GALNTL6: variants seen among roughly 807,000 people sequenced by gnomAD.
GALNTL6 encodes polypeptide N-acetylgalactosaminyltransferase-like 6.
Under a neutral mutation model 73.7 loss-of-function variants are expected in GALNTL6, and 46 were observed. The ratio of observed to expected loss-of-function variants is 0.62; its 90% CI spans 0.49 to 0.80. The LOEUF is 0.80. Among genes scored for constraint, GALNTL6 ranks in the 30% least tolerant of loss-of-function variants. The pLI, the probability that GALNTL6 is intolerant of heterozygous loss-of-function variation, is 0.00. For synonymous variants in GALNTL6, 259 were observed against 263.7 expected (o/e 0.98, Z 0.17); for missense variants, 604 against 755.0 (o/e 0.80, Z 2.34).
chr4:172,206,775 GT>G (rs1214874685), intron 2 of GALNTL6, among the ~76,000 whole-genome samples: 15 of 79,784 alleles, frequency 1.9e-4, no homozygotes, highest in Non-Finnish European at 3.6e-4. Context: ...GATGAAACGT[GT>G]TTTTTGTTTT....
intron 10 of GALNTL6, among the ~76,000 whole-genome samples, chr4:173,006,004 T>A (rs984631844): frequency 6.6e-6 from 1 of 152,166 alleles, no homozygotes; most frequent in Non-Finnish European, 1.5e-5. Context: ...TCCAATAGGC[T>A]TTGGTGCATA....
chr4:172,874,224 C>T (rs1745079595), intron 7 of GALNTL6, among the ~76,000 whole-genome samples: 1 of 152,170 alleles, frequency 6.6e-6, no homozygotes, highest in Admixed American at 6.5e-5. Context: ...TTTCACATCA[C>T]ATTTTGATGT....
chr4:172,613,220 A>G (rs557168968), intron 5 of GALNTL6, among the ~76,000 whole-genome samples: 3 of 152,286 alleles, frequency 2.0e-5, no homozygotes, highest in Admixed American at 6.5e-5. Context: ...GAATTTTAAA[A>G]TGTCCAAGAC....
intron 5 of GALNTL6, among the ~76,000 whole-genome samples, chr4:172,441,826 C>T (rs71607883): frequency 0.01 from 1,536 of 152,100 alleles, 9 homozygotes; most frequent in Non-Finnish European, 0.018. Flanking sequence ...GCTACAGTAA[C>T]GTGTATGGTG....
chr4:172,108,102 G>T (rs974049452), intron 2 of GALNTL6, among the ~76,000 whole-genome samples: 4 of 152,068 alleles, frequency 2.6e-5, no homozygotes, highest in Admixed American at 6.6e-5. Context: ...AACTGTCAGG[G>T]TATGTGTTTG....
chr4:172,255,859 G>A (rs2111025120), intron 3 of GALNTL6, among the ~76,000 whole-genome samples: 1 of 151,392 alleles, frequency 6.6e-6, no homozygotes, highest in Admixed American at 6.6e-5. Context: ...TAGCTATTAG[G>A]AAATCAGAGT....
chr4:172,828,001 G>C (rs1402448023), intron 7 of GALNTL6, among the ~76,000 whole-genome samples: 1 of 151,998 alleles, frequency 6.6e-6, no homozygotes, highest in Admixed American at 6.6e-5. Context: ...ACCAGGCATG[G>C]TGGCTCACGC....
chr4:172,095,377 C>T (rs1011466749), intron 2 of GALNTL6, among the ~76,000 whole-genome samples: 3 of 151,734 alleles, frequency 2.0e-5, no homozygotes, highest in Admixed American at 6.6e-5. Context: ...AGCGCGTGTA[C>T]GAAGGGATGC....
chr4:172,314,637 TC>T (rs1200220206), intron 4 of GALNTL6, among the ~76,000 whole-genome samples: 17 of 122,654 alleles, frequency 1.4e-4, no homozygotes, highest in Non-Finnish European at 2.4e-4. Context: ...AGGCAGAGTC[TC>T]CCTCTGTAGC....
At chr4:172,665,803 GTTCA>G (rs778281661) in intron 5 of GALNTL6, among the ~76,000 whole-genome samples, 10 of 152,042 alleles carry the variant, frequency 6.6e-5, no homozygotes, top group Non-Finnish European at 1.3e-4. Flanking sequence ...TTGTTTCTAT[GTTCA>G]TTCTACTAAT....
At chr4:172,920,702 G>A (rs548366733) in intron 8 of GALNTL6, among the ~76,000 whole-genome samples, 2 of 152,122 alleles carry the variant, frequency 1.3e-5, no homozygotes, top group African/African-American at 4.8e-5. Context: ...ATTTACATTT[G>A]AATGTATTAT....
chr4:171,973,727 A>C (rs1296406228), intron 2 of GALNTL6, among the ~76,000 whole-genome samples: 1 of 152,196 alleles, frequency 6.6e-6, no homozygotes, highest in Non-Finnish European at 1.5e-5. Flanking sequence ...AAGGAAGAGC[A>C]GTGTTAAAAC....
chr4:172,801,616 G>T (rs1740646426), intron 5 of GALNTL6, among the ~76,000 whole-genome samples: 1 of 152,138 alleles, frequency 6.6e-6, no homozygotes, highest in Admixed American at 6.5e-5. Flanking sequence ...AGGGCACTAG[G>T]TCTGGGGCTG....
rs191568390 is a variant in GALNTL6 at position 172,957,437 on chromosome 4, G to T, written c.1371+5179G>T. Among the ~76,000 whole-genome samples the T allele has an allele frequency of 1.3e-3, 200 of 152,294 alleles. 1 individual carries two copies. Among genetic ancestry groups the T allele is most frequent in the Non-Finnish European group, 2.7e-3 (182 of 68,018 alleles). ...GATAGGTGGAAGTTTCAGCAGGGCA[G>T]CGGGGCAGTAGGTGGGAGTGGTCAG... On this transcript the variant is annotated intron_variant, in intron 10 of 12. Coordinates refer to ENST00000506823, the MANE Select transcript of GALNTL6 (RefSeq NM_001034845.3).
intron 4 of GALNTL6, among the ~76,000 whole-genome samples, chr4:172,347,280 G>A (rs1368804936): frequency 6.6e-6 from 1 of 152,120 alleles, no homozygotes. Flanking sequence ...ATGAGCCACT[G>A]TGCCTGGCCC....
intron 2 of GALNTL6, among the ~76,000 whole-genome samples, chr4:172,166,385 G>T (rs921667828): frequency 2.6e-5 from 4 of 152,022 alleles, no homozygotes; most frequent in Non-Finnish European, 5.9e-5. Flanking sequence ...GGCGGAGGTT[G>T]CAGTGAGCCG....
chr4:172,885,989 A>G (rs1321434237), intron 8 of GALNTL6, among the ~76,000 whole-genome samples: 1 of 152,124 alleles, frequency 6.6e-6, no homozygotes, highest in Non-Finnish European at 1.5e-5. Flanking sequence ...TTTATGAGGA[A>G]TGTTGGCCTA....
intron 5 of GALNTL6, among the ~76,000 whole-genome samples, chr4:172,699,827 T>A (rs1291763998): frequency 3.3e-5 from 5 of 152,130 alleles, no homozygotes; most frequent in Non-Finnish European, 7.4e-5. Flanking sequence ...AAGAAAATAA[T>A]TTTTTTGTTT....
intron 5 of GALNTL6, among the ~76,000 whole-genome samples, chr4:172,592,250 T>C (rs746199728): frequency 6.6e-6 from 1 of 152,140 alleles, no homozygotes; most frequent in Non-Finnish European, 1.5e-5. Flanking sequence ...AACCTGAGGC[T>C]TTATAACAAC....
Sources: allele counts gnomAD v4.1 joint callset (sites outside exome capture counted in the v4.1 genomes callset), GRCh38; gene constraint gnomAD v4.1.1; transcripts MANE v1.5; gene names NCBI Gene and HGNC (gene_info 2026-07-23, HGNC 2026-07-21).